PPARGC1A: variants seen among roughly 807,000 people sequenced by gnomAD.
PPARGC1A encodes the protein PPARG coactivator 1 alpha.
Under a neutral mutation model 88.7 loss-of-function variants are expected in PPARGC1A, and 25 were observed. The observed-to-expected ratio is 0.28, with a 90% confidence interval of 0.21 to 0.39. The LOEUF (loss-of-function observed/expected upper bound fraction) is 0.39. Among genes scored for constraint, PPARGC1A ranks in the 10% least tolerant of loss-of-function variants. The pLI is 1.00. For synonymous variants in PPARGC1A, 363 were observed against 355.6 expected (o/e 1.02, Z -0.24); for missense variants, 880 against 968.7 (o/e 0.91, Z 1.22).
At chr4:24,205,586 A>G in the PPARGC1A span, among the ~76,000 whole-genome samples, 15 of 152,298 alleles carry the variant, frequency 9.8e-5, no homozygotes, top group African/African-American at 3.6e-4. Flanking sequence ...AAACTTAAAT[A>G]AGCAAATGTT....
At chr4:23,988,751 T>C in the PPARGC1A span, among the ~76,000 whole-genome samples, 1 of 150,938 alleles carries the variant, frequency 6.6e-6, no homozygotes, top group South Asian at 2.1e-4. Context: ...TGTGTGCATA[T>C]ATATATATAC....
the PPARGC1A span, among the ~76,000 whole-genome samples, chr4:24,118,878 G>A: frequency 6.6e-6 from 1 of 152,000 alleles, no homozygotes; most frequent in South Asian, 2.1e-4. Flanking sequence ...TGTTTATTAG[G>A]AAGTTCAGAA....
At chr4:24,435,700 C>T in the PPARGC1A span, among the ~76,000 whole-genome samples, 1 of 152,188 alleles carries the variant, frequency 6.6e-6, no homozygotes, top group Non-Finnish European at 1.5e-5. Flanking sequence ...ATGAACCAAT[C>T]ATTTCATTTA....
At chr4:24,060,540 A>C in the PPARGC1A span, among the ~76,000 whole-genome samples, 1 of 152,240 alleles carries the variant, frequency 6.6e-6, no homozygotes, top group Admixed American at 6.5e-5. Flanking sequence ...AACAACAAAA[A>C]AAAAATCGCT....
chr4:24,430,789 A>C, the PPARGC1A span, among the ~76,000 whole-genome samples: 2 of 152,244 alleles, frequency 1.3e-5, no homozygotes, highest in East Asian at 3.9e-4. Flanking sequence ...CAGAAGAGAC[A>C]TGGTATGAGT....
intron 10 of PPARGC1A, among the ~76,000 whole-genome samples, chr4:23,810,611 C>T (rs1013472159): frequency 3.9e-5 from 6 of 152,138 alleles, no homozygotes; most frequent in African/African-American, 1.4e-4. Context: ...ATAAACACAT[C>T]ATTTATTTAC....
the PPARGC1A span, among the ~76,000 whole-genome samples, chr4:24,322,231 G>A: frequency 1.3e-5 from 2 of 152,176 alleles, no homozygotes; most frequent in African/African-American, 2.4e-5. Flanking sequence ...AGTGACTTTT[G>A]AGCTAGCTTC....
the PPARGC1A span, among the ~76,000 whole-genome samples, chr4:24,280,276 T>C: frequency 6.6e-6 from 1 of 152,248 alleles, no homozygotes; most frequent in Non-Finnish European, 1.5e-5. Flanking sequence ...TCTGTGTACC[T>C]GCTGAAGTCA....
In PPARGC1A at chr4:23,802,086, G is replaced by T. The variant is rs536406426; in HGVS notation, c.2141+138C>A. The T allele has an allele frequency of 2.7e-5, 36 of 1,347,120 alleles. No individual in the cohort carries two copies. The African/African-American group carries it at 4.3e-4, about 16-fold the overall frequency. 83.4% of individuals were successfully genotyped at this position (1,347,120 alleles called of 1,614,324 possible). ...GAAAGATTAATAAACAGGGATGAAA[G>T]AAAATAAATAAGGTTCTGAACTCAA... On this transcript the variant is annotated intron_variant, in intron 11 of 12. Transcript: ENST00000264867.
chr4:23,892,863 G>T (rs1462059258), upstream of PPARGC1A, among the ~76,000 whole-genome samples: 1 of 152,142 alleles, frequency 6.6e-6, no homozygotes, highest in East Asian at 1.9e-4. Context: ...CCTTAAAAAT[G>T]GGGAATAATT....
intron 2 of PPARGC1A, among the ~76,000 whole-genome samples, chr4:23,841,521 T>C (rs998569021): frequency 5.9e-5 from 9 of 152,166 alleles, no homozygotes; most frequent in African/African-American, 2.2e-4. Flanking sequence ...GTGTTAACTT[T>C]CTTATCATAA....
intron 2 of PPARGC1A, among the ~76,000 whole-genome samples, chr4:23,849,973 A>C (rs1458659733): frequency 6.6e-6 from 1 of 152,138 alleles, no homozygotes; most frequent in African/African-American, 2.4e-5. Flanking sequence ...TGAAGGAAAA[A>C]AATAGACAAA....
chr4:24,268,956 T>C, the PPARGC1A span, among the ~76,000 whole-genome samples: 1 of 152,144 alleles, frequency 6.6e-6, no homozygotes. Flanking sequence ...CTTCCTTCCC[T>C]CATGGAGCTT....
the PPARGC1A span, among the ~76,000 whole-genome samples, chr4:23,994,283 G>A: frequency 2.0e-5 from 3 of 152,114 alleles, no homozygotes; most frequent in Non-Finnish European, 4.4e-5. Context: ...GAAGCTCTAG[G>A]AGCCCAGAGT....
chr4:24,245,454 C>G, the PPARGC1A span, among the ~76,000 whole-genome samples: 1 of 152,212 alleles, frequency 6.6e-6, no homozygotes, highest in Non-Finnish European at 1.5e-5. Context: ...GTGGAAGCTT[C>G]GAGGCCCACC....
chr4:24,435,487 G>A, the PPARGC1A span, among the ~76,000 whole-genome samples: 1 of 152,040 alleles, frequency 6.6e-6, no homozygotes, highest in Admixed American at 6.6e-5. Flanking sequence ...CTAGATCATG[G>A]CTCCCTGGAG....
At chr4:23,831,423 T>C in intron 3 of PPARGC1A, 134 bp downstream of exon 3, 1 of 723,572 alleles carries the variant, frequency 1.4e-6, no homozygotes, top group East Asian at 2.6e-5. Flanking sequence ...TTTGCAACTC[T>C]GAGTGTGCTT....
the PPARGC1A span, among the ~76,000 whole-genome samples, chr4:24,333,179 G>A: frequency 6.6e-6 from 1 of 152,240 alleles, no homozygotes; most frequent in African/African-American, 2.4e-5. Flanking sequence ...AGGAGGTGGT[G>A]GTTACACTGA....
the PPARGC1A span, among the ~76,000 whole-genome samples, chr4:24,387,916 AAGAAAGAAAGAAAGAAAG>A: frequency 0.038 from 770 of 20,420 alleles, 38 homozygotes; most frequent in Middle Eastern, 0.19. Flanking sequence ...GAAAGAAAGA[AAGAAAGAAAGAAAGAAAG>A]AGAAAGAAAG....
Sources: allele counts gnomAD v4.1 joint callset (sites outside exome capture counted in the v4.1 genomes callset), GRCh38; gene constraint gnomAD v4.1.1; transcripts MANE v1.5; gene names NCBI Gene and HGNC (gene_info 2026-07-23, HGNC 2026-07-21).